TRIM69: variants seen among roughly 807,000 people sequenced by gnomAD.
The protein encoded by TRIM69 is E3 ubiquitin-protein ligase TRIM69.
Under a neutral mutation model 37.7 loss-of-function variants are expected in TRIM69, and 29 were observed. The observed-to-expected ratio is 0.77, with a 90% CI of 0.57 to 1.05. TRIM69 has a LOEUF of 1.05. Ranked by LOEUF, TRIM69 falls within the 50% of genes least tolerant of loss-of-function variation. TRIM69 has a pLI of 0.00. For missense variants in TRIM69, 596 were observed against 579.9 expected (o/e 1.03, Z -0.28); for synonymous variants, 209 against 212.4 (o/e 0.98, Z 0.14).
In TRIM69 at chr15:44,759,643, A is replaced by T; in HGVS notation, c.817A>T (p.Ile273Phe). 6.2e-7 allele frequency: 1 copy of T among 1,614,046 alleles called. No homozygotes were observed. The highest frequency in any genetic ancestry group is 8.5e-7 in the Non-Finnish European group (1 of 1,179,952). ...QQNSFDFLKD[I>F]TTLLHSLEQG... ...CTCTCTTTCTCCTTTCTTCTAGGAC[A>T]TCACAACTCTCTTACATAGGTAAGT... The change falls in exon 5 of 7, where the codon ATC (isoleucine) becomes TTC (phenylalanine). Residue 273 changes from isoleucine to phenylalanine, a missense_variant. Coordinates refer to ENST00000329464, the MANE Select transcript of TRIM69 (RefSeq NM_182985.5).
chr15:44,745,933 A>T (rs1231736319), intron 1 of TRIM69, among the ~76,000 whole-genome samples: 2 of 152,204 alleles, frequency 1.3e-5, no homozygotes, highest in Admixed American at 1.3e-4. Flanking sequence ...TTGGAGTCCC[A>T]GAAGAGAGGA....
intron 1 of TRIM69, among the ~76,000 whole-genome samples, chr15:44,751,355 A>G (rs1196377546): frequency 1.3e-5 from 2 of 152,108 alleles, no homozygotes; most frequent in Non-Finnish European, 2.9e-5. Context: ...ACCTCAGGTG[A>G]TCTGCCCACC....
At chr15:44,758,526 G>T in intron 3 of TRIM69, 95 bp from the exon 4 acceptor site, 1 of 1,517,422 alleles carries the variant, frequency 6.6e-7, no homozygotes, top group Non-Finnish European at 8.9e-7. Flanking sequence ...TTCTGTGATG[G>T]TATTTACCAA....
At chr15:44,738,405 G>A (rs1418195539) in intron 1 of TRIM69, among the ~76,000 whole-genome samples, 2 of 152,016 alleles carry the variant, frequency 1.3e-5, no homozygotes, top group Non-Finnish European at 2.9e-5. Context: ...ATTCCTGCCA[G>A]CCAGGGCTTT....
chr15:44,751,770 G>A (rs2087537688), intron 1 of TRIM69, among the ~76,000 whole-genome samples: 1 of 152,096 alleles, frequency 6.6e-6, no homozygotes, highest in African/African-American at 2.4e-5. Flanking sequence ...TTTTGAGACA[G>A]GGTCTTGTTT....
chr15:44,739,605 G>C (rs556746859), intron 1 of TRIM69, among the ~76,000 whole-genome samples: 2 of 152,218 alleles, frequency 1.3e-5, no homozygotes, highest in East Asian at 3.8e-4. Flanking sequence ...AGGGCCCTAC[G>C]CCCATGGAGT....
At chr15:44,752,178 CT>C (rs1435420509) in intron 1 of TRIM69, among the ~76,000 whole-genome samples, 4 of 151,858 alleles carry the variant, frequency 2.6e-5, no homozygotes, top group African/African-American at 7.3e-5. Flanking sequence ...AGTTTTTCTT[CT>C]GTTATTGATT....
At chr15:44,763,757 A>T (rs1287658800) in intron 6 of TRIM69, among the ~76,000 whole-genome samples, 1 of 152,194 alleles carries the variant, frequency 6.6e-6, no homozygotes, top group Non-Finnish European at 1.5e-5. Context: ...TAACTCTGGC[A>T]TGCAGTTAAC....
At chr15:44,765,059 G>A (rs2087857423) in intron 6 of TRIM69, among the ~76,000 whole-genome samples, 1 of 152,208 alleles carries the variant, frequency 6.6e-6, no homozygotes. Flanking sequence ...AGAATAGGGT[G>A]CAGATGGGCA....
rs903355652 is a variant in TRIM69, at chr15:44,755,093, A to G, written c.200A>G (p.Asp67Gly). 6.2e-7 allele frequency: 1 copy of G among 1,614,052 alleles called. No individual in the cohort carries two copies. Among genetic ancestry groups the G allele is most frequent in the Admixed American group, 1.7e-5 (1 of 60,002 alleles). ...GHNFCEACIQ[D>G]FWRLQAKETF... ...AACTTCTGTGAAGCCTGTATCCAAG[A>G]CTTTTGGAGGCTGCAAGCAAAGGAA... Residue 67 changes from aspartate to glycine, a missense_variant, in exon 2 of 7, where the codon GAC (aspartate) becomes GGC (glycine). Physicochemically the swap from Asp to Gly is moderately conservative, Grantham distance 94 (BLOSUM62 -1). Transcript: ENST00000329464.
At chr15:44,737,361 C>A (rs2087183307) in intron 1 of TRIM69, among the ~76,000 whole-genome samples, 2 of 152,100 alleles carry the variant, frequency 1.3e-5, no homozygotes, top group Non-Finnish European at 2.9e-5. Context: ...TATCATAGGA[C>A]CTTTAGGTTT....
chr15:44,767,316 C>G lies in TRIM69; in HGVS notation c.1047C>G (p.Asp349Glu). 6.2e-7 allele frequency: 1 copy of G among 1,614,054 alleles called. No homozygotes were observed. The change falls in exon 7 of 7, where the codon GAC becomes GAG. Residue 349 changes from aspartate to glutamate, a missense_variant. Physicochemically the swap from Asp to Glu is conservative, Grantham distance 45. Coordinates refer to ENST00000329464, the MANE Select transcript of TRIM69 (RefSeq NM_182985.5). ...SKSQTSVWHGDIKKIMPDDPE... is the reference protein window; with the variant it reads ...SKSQTSVWHGEIKKIMPDDPE... ...GCCAAACCAGCGTCTGGCATGGTGA[C>G]ATTAAGAAGATAATGCCTGATGATC...
Position 44,754,973 on chromosome 15 carries a change from C to A in TRIM69, c.80C>A (p.Pro27His), listed in dbSNP as rs550952215. 1.2e-6 allele frequency: 2 copies of A among 1,614,166 alleles called. No individual in the cohort carries two copies. Among genetic ancestry groups the A allele is most frequent in the South Asian group, 2.2e-5 (2 of 91,088 alleles). Residue 27 changes from proline (P) to histidine (H), a missense_variant, in exon 2 of 7, where the codon CCC becomes CAC. Pro to His is a moderately conservative substitution (Grantham distance 77). Coordinates refer to ENST00000329464, the MANE Select transcript of TRIM69 (RefSeq NM_182985.5). ...VEMNDSITHLPSKVVIQDITM... is the reference protein window; with the variant it reads ...VEMNDSITHLHSKVVIQDITM... ...ATGAATGATTCAATCACCCACCTAC[C>A]CTCTAAAGTGGTGATACAAGATATT... is the stretch of plus-strand genomic sequence containing the variant.
At position 44,758,364 on chromosome 15, in the gene TRIM69, G is replaced by T. The variant is rs1029325273; in HGVS notation, c.580-257G>T. 12 of 560,892 alleles carry T rather than the reference G, an allele frequency of 2.1e-5. No individual in the cohort carries two copies. The Admixed American group carries it at 2.5e-4, about 12-fold the overall frequency. 34.7% of individuals were successfully genotyped at this position (560,892 alleles called of 1,614,324 possible). On this transcript the variant is annotated intron_variant, in intron 3 of 6. Coordinates refer to ENST00000329464, the MANE Select transcript of TRIM69 (RefSeq NM_182985.5). ...CCACAGTCTTATTTAATATGGCATTGGTTACCATCTCAGTACTGCAATAGG... is the reference window on the plus strand; with the variant it reads ...CCACAGTCTTATTTAATATGGCATTTGTTACCATCTCAGTACTGCAATAGG...
At chr15:44,741,749 C>T (rs1294891461) in intron 1 of TRIM69, among the ~76,000 whole-genome samples, 2 of 152,202 alleles carry the variant, frequency 1.3e-5, no homozygotes, top group Non-Finnish European at 2.9e-5. Flanking sequence ...CACATACACC[C>T]TCCCAAGACT....
At chr15:44,738,125 C>G (rs1288617837) in intron 1 of TRIM69, among the ~76,000 whole-genome samples, 2 of 149,438 alleles carry the variant, frequency 1.3e-5, no homozygotes, top group African/African-American at 5.0e-5. Flanking sequence ...GTGGCACCAT[C>G]TCAGCTCACT....
intron 3 of TRIM69, 123 bp from the exon 4 acceptor site, chr15:44,758,498 A>T: frequency 7.4e-7 from 1 of 1,350,546 alleles, no homozygotes; most frequent in Non-Finnish European, 1.0e-6. Flanking sequence ...GATATTCAGT[A>T]GCCATTTGTA....
At position 44,758,835 on chromosome 15, in the gene TRIM69, A is replaced by G; in HGVS notation, c.794A>G (p.Asn265Ser). ...ATTCAGGCAAAGACGGAACAACAGA[A>G]CTCCTTCGACTTTCTCAAAGTGAGA... ...VSIQAKTEQQ[N>S]SFDFLKDITT... is the part of the protein sequence containing the mutation. Residue 265 changes from asparagine to serine, a missense_variant, in exon 4 of 7, where the codon AAC becomes AGC. Transcript: ENST00000329464. 2 of 1,613,108 alleles carry G rather than the reference A, an allele frequency of 1.2e-6. No homozygotes were observed. Among genetic ancestry groups the G allele is most frequent in the Non-Finnish European group, 1.7e-6 (2 of 1,179,608 alleles).
chr15:44,739,319 T>G (rs2087228655), intron 1 of TRIM69, among the ~76,000 whole-genome samples: 1 of 152,228 alleles, frequency 6.6e-6, no homozygotes, highest in African/African-American at 2.4e-5. Context: ...ACGGGTGATT[T>G]CTGCATTTCC....
Sources: gnomAD v4.1 joint callset for allele counts (sites outside exome capture counted in the v4.1 genomes callset) on GRCh38, gnomAD v4.1.1 for gene constraint, MANE v1.5 for transcripts, NCBI Gene and HGNC (gene_info 2026-07-23, HGNC 2026-07-21) for gene names.